Variants in CASKIN1 observed in about 807,000 individuals in gnomAD.
CASKIN1 encodes the protein CASK interacting protein 1.
CASKIN1 carries 42 observed loss-of-function variants against 117.5 expected under a neutral mutation model. The ratio of observed to expected loss-of-function variants is 0.36; its 90% CI spans 0.28 to 0.46. CASKIN1 has a LOEUF of 0.46. Ranked by LOEUF, CASKIN1 falls within the 20% of genes least tolerant of loss-of-function variation. The probability of loss-of-function intolerance (pLI) is 1.00; values close to 1 mark genes in which losing one functional copy is unlikely to be tolerated. For synonymous variants in CASKIN1, 1,148 were observed against 961.7 expected (o/e 1.19, Z -3.59); for missense variants, 2,083 against 2,077.3 (o/e 1.00, Z -0.05).
chr16:2,179,569 T>G lies in CASKIN1; in HGVS notation c.3775+24A>C. ...AGGTGGAGCAGGGTCCTGTTGCCCCTTCACCCCACCCTGGCTGGCCTACCT... is the reference window on the plus strand; with the variant it reads ...AGGTGGAGCAGGGTCCTGTTGCCCCGTCACCCCACCCTGGCTGGCCTACCT... On this transcript the variant is annotated intron_variant, in intron 18 of 19. Transcript: ENST00000343516. This position sits in a 1 kb window ranked among gnomAD's most constrained non-coding sequence, Gnocchi z 5.8. 1 of 1,428,364 alleles carries G rather than the reference T, an allele frequency of 7.0e-7. No individual in the cohort carries two copies. Among genetic ancestry groups the G allele is most frequent in the Non-Finnish European group, 9.1e-7 (1 of 1,096,762 alleles). The allele number at this position is 1,428,364 out of a possible 1,614,324, so 88.5% of individuals were successfully genotyped here. A position where few individuals can be genotyped will look rare whatever the true frequency, so the allele number is the denominator to read the frequency against.
In CASKIN1 at chr16:2,181,448, T is replaced by C. The variant is rs2093167664; in HGVS notation, c.1920A>G (p.Thr640=). The change falls in exon 18 of 20, where the codon ACA becomes ACG. Residue 640 remains threonine (T), a synonymous_variant. Transcript: ENST00000343516. ...AIESPPPPEP[T]PADCQSPKMT... ...TTTTAGGGGACTGGCAGTCGGCCGGTGTGGGCTCAGGCGGGGGCGGCGACT... is the reference window on the plus strand; with the variant it reads ...TTTTAGGGGACTGGCAGTCGGCCGGCGTGGGCTCAGGCGGGGGCGGCGACT... The C allele has an allele frequency of 1.2e-6, 2 of 1,611,974 alleles. No homozygotes were observed. The highest frequency in any genetic ancestry group is 1.7e-5 in the Admixed American group (1 of 59,974).
intron 5 of CASKIN1, 26 bp downstream of exon 5, chr16:2,189,212 C>G (rs781419685): frequency 6.2e-7 from 1 of 1,612,900 alleles, no homozygotes. Context: ...CCAGCCCCAC[C>G]CCACAGGGCT....
intron 6 of CASKIN1, among the ~76,000 whole-genome samples, chr16:2,187,691 G>T (rs1013281633): frequency 6.6e-6 from 1 of 152,024 alleles, no homozygotes; most frequent in African/African-American, 2.4e-5. Flanking sequence ...GTGCGATCTC[G>T]GCTCACTACA....
chr16:2,186,686 C>T (rs368441180), intron 10 of CASKIN1, 21 bp downstream of exon 10: 1 of 1,604,940 alleles, frequency 6.2e-7, no homozygotes, highest in Admixed American at 1.7e-5. Context: ...TGCCTGCCCC[C>T]CAGGGTGGGG....
Position 2,179,294 on chromosome 16 carries a change from G to T in CASKIN1, c.3807C>A (p.Pro1269=). ...GCGGCGGCGGCGGCTTGGGAGACAC[G>T]GGCGGTGGCGTGCCGTGGGCGCGCT... is the stretch of plus-strand genomic sequence containing the variant. ...EVKRAHGTPP[P]VSPKPPPPPT... is the part of the protein sequence containing the mutation. The change falls in exon 19 of 20, where the codon CCC becomes CCA. Residue 1269 remains proline (P), a synonymous_variant. Transcript: ENST00000343516. The surrounding 1 kb of genome is among the most constrained non-coding windows in gnomAD (Gnocchi z 5.8). The T allele has an allele frequency of 9.0e-6, 11 of 1,226,722 alleles. No homozygotes were observed. Among genetic ancestry groups the T allele is most frequent in the Non-Finnish European group, 1.1e-5 (11 of 985,250 alleles). 76.0% of individuals were successfully genotyped at this position (1,226,722 alleles called of 1,614,324 possible).
chr16:2,180,011 T>A lies in CASKIN1; in HGVS notation c.3357A>T (p.Glu1119Asp). The change falls in exon 18 of 20, where the codon GAA becomes GAT. Residue 1119 changes from glutamate (E) to aspartate (D), a missense_variant. Physicochemically the swap from Glu to Asp is conservative, Grantham distance 45. Transcript: ENST00000343516. ...GVEGPPLAKV[E>D]ASATLKRRIR... is the part of the protein sequence containing the mutation. The stretch of plus-strand genomic sequence containing the variant: ...TGCGCCTCTTGAGTGTGGCGCTGGC[T>A]TCCACCTTGGCCAAGGGCGGGCCTT... The A allele has an allele frequency of 6.2e-7, 1 of 1,600,228 alleles. No homozygotes were observed. The highest frequency in any genetic ancestry group is 8.5e-7 in the Non-Finnish European group (1 of 1,173,688).
In CASKIN1 at chr16:2,182,026, G is replaced by A; in HGVS notation, c.1630-97C>T. 1 of 1,546,222 alleles carries A rather than the reference G, an allele frequency of 6.5e-7. No homozygotes were observed. Among genetic ancestry groups the A allele is most frequent in the Non-Finnish European group, 8.8e-7 (1 of 1,132,874 alleles). On this transcript the variant is annotated intron_variant, in intron 16 of 19. Transcript: ENST00000343516. This position sits in a 1 kb window ranked among gnomAD's most constrained non-coding sequence, Gnocchi z 4.1. ...GGAGGAAGGGTCACCGGGCCAGCAG[G>A]GCACAGACAGACAGGAGGACAAACG...
rs1017389506 is a variant in CASKIN1, at chr16:2,182,880, T to C, written c.1629+766A>G. The stretch of plus-strand genomic sequence containing the variant: ...ATCTCGGCTCACTGCAAGCTCCGCC[T>C]CCCGGGTTCATGCCATTCTCCTGCC... On this transcript the variant is annotated intron_variant, in intron 16 of 19. Coordinates refer to ENST00000343516, the MANE Select transcript of CASKIN1 (RefSeq NM_020764.4). This position sits in a 1 kb window ranked among gnomAD's most constrained non-coding sequence, Gnocchi z 4.1. 1.9e-4 allele frequency among the ~76,000 whole-genome samples: 29 copies of C among 152,188 alleles called. No homozygotes were observed. The highest frequency in any genetic ancestry group is 7.0e-4 in the African/African-American group (29 of 41,430).
chr16:2,192,609 C>G (rs944569048), intron 1 of CASKIN1, among the ~76,000 whole-genome samples: 4 of 152,156 alleles, frequency 2.6e-5, no homozygotes, highest in Non-Finnish European at 5.9e-5. Context: ...CTAGTTAACC[C>G]CACAGCCTCC....
intron 1 of CASKIN1, among the ~76,000 whole-genome samples, chr16:2,195,850 C>T (rs991131173): frequency 6.6e-6 from 1 of 152,152 alleles, no homozygotes; most frequent in Non-Finnish European, 1.5e-5. Flanking sequence ...GTCCTGCCCC[C>T]ACCTTCCCTG....
intron 10 of CASKIN1, among the ~76,000 whole-genome samples, chr16:2,186,134 G>A (rs1353958321): frequency 1.3e-5 from 2 of 152,104 alleles, no homozygotes; most frequent in Non-Finnish European, 1.5e-5. Context: ...ACCATGCTTG[G>A]CTAATTTTAT....
In CASKIN1 at chr16:2,179,525, C is replaced by T; in HGVS notation, c.3775+68G>A. Reference sequence around the variant, plus strand: ...ATCAAACCCAAGAAAAGGAAAACCCCTCAGACCACCGAGTAAGGAGGTGGA... The same window carrying T: ...ATCAAACCCAAGAAAAGGAAAACCCTTCAGACCACCGAGTAAGGAGGTGGA... On this transcript the variant is annotated intron_variant, in intron 18 of 19. Coordinates refer to ENST00000343516, the MANE Select transcript of CASKIN1 (RefSeq NM_020764.4). This position sits in a 1 kb window ranked among gnomAD's most constrained non-coding sequence, Gnocchi z 5.8. The T allele has an allele frequency of 2.1e-6, 3 of 1,405,646 alleles. No individual in the cohort carries two copies. Among genetic ancestry groups the T allele is most frequent in the East Asian group, 2.7e-5 (1 of 37,356 alleles). The allele number at this position is 1,405,646 out of a possible 1,614,324, so 87.1% of individuals were successfully genotyped here. A position where few individuals can be genotyped will look rare whatever the true frequency, so the allele number is the denominator to read the frequency against.
Position 2,179,432 on chromosome 16 carries a change from T to G in CASKIN1, c.3776-107A>C. On this transcript the variant is annotated intron_variant, in intron 18 of 19. Coordinates refer to ENST00000343516, the MANE Select transcript of CASKIN1 (RefSeq NM_020764.4). This position sits in a 1 kb window ranked among gnomAD's most constrained non-coding sequence, Gnocchi z 5.8. ...CCCAGCGGACCGGGAAAGACCCTGC[T>G]CACCTTGCCCCCAGCCCTGGATGGA... is the stretch of plus-strand genomic sequence containing the variant. The G allele has an allele frequency of 7.4e-7, 1 of 1,351,112 alleles. No homozygotes were observed. The highest frequency in any genetic ancestry group is 2.8e-4 in the Middle Eastern group (1 of 3,632). 83.7% of individuals were successfully genotyped at this position (1,351,112 alleles called of 1,614,324 possible).
rs369066078 is a variant in CASKIN1, at chr16:2,181,311, G to C, written c.2057C>G (p.Pro686Arg). The C allele has an allele frequency of 1.2e-6, 2 of 1,604,214 alleles. No homozygotes were observed. Among genetic ancestry groups the C allele is most frequent in the Non-Finnish European group, 1.7e-6 (2 of 1,178,634 alleles). Reference sequence around the variant, plus strand: ...GGAGTCCTGCCGCGTGGTGGCCCTCGGGGTGGGTGGCAGGTGGCTGGAGGG... The same window carrying C: ...GGAGTCCTGCCGCGTGGTGGCCCTCCGGGTGGGTGGCAGGTGGCTGGAGGG... The part of the protein sequence containing the change: ...EKPSSHLPPT[P>R]RATTRQDSSL... The change falls in exon 18 of 20, where the codon CCG becomes CGG. Residue 686 changes from proline (P) to arginine (R), a missense_variant. Transcript: ENST00000343516.
chr16:2,196,372 T>C lies in CASKIN1; in HGVS notation c.61A>G (p.Arg21Gly). Reference sequence around the variant, plus strand: ...CCGGGCCGCGGCCTCTGCAGCAGCCTCTGCGCGGTCCCTACGTCCTCCGCC... The same window carrying C: ...CCGGGCCGCGGCCTCTGCAGCAGCCCCTGCGCGGTCCCTACGTCCTCCGCC... The part of the protein sequence containing the change: ...VKAEDVGTAQ[R>G]LLQRPRPGKA... The change falls in exon 1 of 20, where the codon AGG (arginine) becomes GGG (glycine). Residue 21 changes from arginine (R) to glycine (G), a missense_variant. Physicochemically the swap from Arg to Gly is moderately radical, Grantham distance 125. Coordinates refer to ENST00000343516, the MANE Select transcript of CASKIN1 (RefSeq NM_020764.4). This position sits in a 1 kb window ranked among gnomAD's most constrained non-coding sequence, Gnocchi z 5.7. 1 of 1,363,216 alleles carries C rather than the reference T, an allele frequency of 7.3e-7. No homozygotes were observed. The highest frequency in any genetic ancestry group is 9.6e-7 in the Non-Finnish European group (1 of 1,045,198). The allele number at this position is 1,363,216 out of a possible 1,614,324, so 84.4% of individuals were successfully genotyped here. A position where few individuals can be genotyped will look rare whatever the true frequency, so the allele number is the denominator to read the frequency against.
chr16:2,178,771 A>G (rs1182920210), intron 19 of CASKIN1, 125 bp from the exon 20 acceptor site: 2 of 1,319,628 alleles, frequency 1.5e-6, no homozygotes, highest in Non-Finnish European at 2.0e-6. Flanking sequence ...ACCTCGGCGG[A>G]GCCCCGCTCA....
intron 4 of CASKIN1, 34 bp from the exon 5 acceptor site, chr16:2,189,367 C>A (rs774873864): frequency 1.2e-6 from 2 of 1,611,548 alleles, no homozygotes; most frequent in Non-Finnish European, 1.7e-6. Flanking sequence ...GTCCGCACAT[C>A]CTCAGGCCGC....
rs1596682899 is a variant in CASKIN1, at chr16:2,177,911, C to A, written c.*639G>T. 4.2e-5 allele frequency: 14 copies of A among 333,656 alleles called. No homozygotes were observed. The South Asian group carries it at 4.6e-4, about 11-fold the overall frequency. 20.7% of individuals were successfully genotyped at this position (333,656 alleles called of 1,614,324 possible). The stretch of plus-strand genomic sequence containing the variant: ...CACCTGTGCTAGCAGCCTGGGGCCT[C>A]CACTCTGGCCGGAGGAAGGACCGCA... On this transcript the variant is annotated 3_prime_UTR_variant, in exon 20 of 20. Coordinates refer to ENST00000343516, the MANE Select transcript of CASKIN1 (RefSeq NM_020764.4).
chr16:2,184,113 G>C (rs1405544415), intron 14 of CASKIN1, among the ~76,000 whole-genome samples, 172 bp from the exon 15 acceptor site: 3 of 151,782 alleles, frequency 2.0e-5, no homozygotes, highest in East Asian at 1.9e-4. Flanking sequence ...CTCAGTCCGC[G>C]GTCCCGGAGG....
Sources: allele counts gnomAD v4.1 joint callset (sites outside exome capture counted in the v4.1 genomes callset), GRCh38; gene constraint gnomAD v4.1.1; non-coding constraint Gnocchi (gnomAD v3.1); transcripts MANE v1.5; gene names NCBI Gene and HGNC (gene_info 2026-07-23, HGNC 2026-07-21).